Variants in LRRC20 observed in about 807,000 individuals in gnomAD.
LRRC20 encodes leucine rich repeat containing 20, also known as leucine-rich repeat-containing protein 20.
LRRC20 carries 11 observed loss-of-function variants against 14.4 expected under a neutral mutation model. The observed-to-expected ratio is 0.77, with a 90% CI of 0.48 to 1.27. The LOEUF (loss-of-function observed/expected upper bound fraction) is 1.27, where lower values mean the gene tolerates loss of function less well. Among genes scored for constraint, LRRC20 ranks in the 50% most tolerant of loss-of-function variants. The pLI is 0.00. For missense variants in LRRC20, 219 were observed against 251.2 expected (o/e 0.87, Z 0.87); for synonymous variants, 121 against 107.3 (o/e 1.13, Z -0.79).
chr10:70,316,685 C>T (rs1841874096), intron 4 of LRRC20, among the ~76,000 whole-genome samples: 1 of 152,254 alleles, frequency 6.6e-6, no homozygotes, highest in Non-Finnish European at 1.5e-5. Flanking sequence ...GGGGCCATGC[C>T]TAATTTGCAT....
In LRRC20 at chr10:70,300,622, A is replaced by C; in HGVS notation, c.*732T>G. The C allele has an allele frequency of 1.0e-6, 1 of 985,566 alleles. No homozygotes were observed. Among genetic ancestry groups the C allele is most frequent in the Non-Finnish European group, 1.2e-6 (1 of 830,056 alleles). The allele number at this position is 985,566 out of a possible 1,614,324, so 61.1% of individuals were successfully genotyped here. ...AGGAGTGATGCTAGAGGGACGGAGC[A>C]CTCAGGACTTCCCACCCCGCCAATT... On this transcript the variant is annotated 3_prime_UTR_variant, in exon 5 of 5. Transcript: ENST00000446961.
At chr10:70,347,479 C>T (rs1843116720) in intron 2 of LRRC20, among the ~76,000 whole-genome samples, 3 of 152,168 alleles carry the variant, frequency 2.0e-5, no homozygotes, top group African/African-American at 7.2e-5. Flanking sequence ...GCCATCTACA[C>T]ACCATCCCAA....
At chr10:70,337,629 C>T (rs1307157054) in intron 3 of LRRC20, among the ~76,000 whole-genome samples, 1 of 152,196 alleles carries the variant, frequency 6.6e-6, no homozygotes, top group Admixed American at 6.5e-5. Flanking sequence ...AGGCTCTCCC[C>T]AGATGTCAAG....
chr10:70,329,671 C>A (rs1842462386), intron 3 of LRRC20, among the ~76,000 whole-genome samples: 2 of 151,338 alleles, frequency 1.3e-5, no homozygotes, highest in Admixed American at 6.6e-5. Flanking sequence ...AAGCGATTCT[C>A]CTGTCTCAGC....
chr10:70,331,410 C>T (rs1842531883), intron 3 of LRRC20, among the ~76,000 whole-genome samples: 1 of 152,362 alleles, frequency 6.6e-6, no homozygotes, highest in East Asian at 1.9e-4. Flanking sequence ...GGCCCCAAAC[C>T]AGGCATTTAA....
chr10:70,371,393 G>A (rs1844262107), intron 2 of LRRC20, among the ~76,000 whole-genome samples: 1 of 152,092 alleles, frequency 6.6e-6, no homozygotes. Flanking sequence ...TGTACTAGGT[G>A]CCTGGGGGCT....
intron 3 of LRRC20, among the ~76,000 whole-genome samples, chr10:70,335,582 G>A (rs1842703141): frequency 6.6e-6 from 1 of 152,192 alleles, no homozygotes; most frequent in South Asian, 2.1e-4. Context: ...CCTGTTCCGT[G>A]CCTTCCTGGC....
intron 4 of LRRC20, among the ~76,000 whole-genome samples, chr10:70,303,847 A>G (rs1841304514): frequency 6.6e-6 from 1 of 152,164 alleles, no homozygotes; most frequent in Non-Finnish European, 1.5e-5. Context: ...CTCAAACAGA[A>G]TTAAATTGGG....
At chr10:70,351,651 G>A (rs568931785) in intron 2 of LRRC20, among the ~76,000 whole-genome samples, 100 of 152,194 alleles carry the variant, frequency 6.6e-4, no homozygotes, top group African/African-American at 2.1e-3. Context: ...CAAGTTTTAC[G>A]GGAAAACTCC....
intron 2 of LRRC20, among the ~76,000 whole-genome samples, chr10:70,353,597 TA>T (rs796207075): frequency 3.3e-5 from 5 of 152,220 alleles, no homozygotes; most frequent in African/African-American, 1.2e-4. Context: ...TTTGTATTTT[TA>T]GTAGAGAAGG....
chr10:70,310,723 G>A (rs553146242), intron 4 of LRRC20, among the ~76,000 whole-genome samples: 7 of 152,272 alleles, frequency 4.6e-5, no homozygotes, highest in South Asian at 2.1e-4. Context: ...CAGCAGAATC[G>A]CCATCAATGC....
chr10:70,351,129 C>T (rs554616226), intron 2 of LRRC20, among the ~76,000 whole-genome samples: 1 of 151,660 alleles, frequency 6.6e-6, no homozygotes, highest in East Asian at 1.9e-4. Flanking sequence ...TGCAGTGAGC[C>T]GAGATCGTGC....
chr10:70,313,969 TCA>T (rs1171804440), intron 4 of LRRC20, among the ~76,000 whole-genome samples: 2 of 152,056 alleles, frequency 1.3e-5, no homozygotes, highest in African/African-American at 4.8e-5. Context: ...TTTAATGGAC[TCA>T]CAATCATGGC....
intron 2 of LRRC20, among the ~76,000 whole-genome samples, chr10:70,356,826 G>C (rs1014102312): frequency 6.6e-6 from 1 of 152,036 alleles, no homozygotes; most frequent in African/African-American, 2.4e-5. Flanking sequence ...ACTCCAGCCT[G>C]GGCAACAGAA....
chr10:70,344,582 A>G (rs1394289207), intron 2 of LRRC20, among the ~76,000 whole-genome samples: 1 of 152,166 alleles, frequency 6.6e-6, no homozygotes, highest in Non-Finnish European at 1.5e-5. Flanking sequence ...TGTTTTGTTT[A>G]TTGAGACAGG....
rs963392698 is a variant in LRRC20 at position 70,300,669 on chromosome 10, G to A, written c.*685C>T. 157 of 985,648 alleles carry A rather than the reference G, an allele frequency of 1.6e-4. No homozygotes were observed. The highest frequency in any genetic ancestry group is 4.3e-4 in the Admixed American group (7 of 16,284). The allele number at this position is 985,648 out of a possible 1,614,324, so 61.1% of individuals were successfully genotyped here. A position where few individuals can be genotyped will look rare whatever the true frequency, so the allele number is the denominator to read the frequency against. ...AATTTGTTAACTGTGGGGAATGACA[G>A]AGCTGACGTGACTTGCTCCCCATTC... On this transcript the variant is annotated 3_prime_UTR_variant, in exon 5 of 5. Transcript: ENST00000446961.
At chr10:70,343,350 G>A (rs1842979151) in intron 2 of LRRC20, among the ~76,000 whole-genome samples, 1 of 152,164 alleles carries the variant, frequency 6.6e-6, no homozygotes, top group South Asian at 2.1e-4. Context: ...TTTTGGGGGG[G>A]AAAAGGGACA....
At chr10:70,343,783 G>A (rs1323906828) in intron 2 of LRRC20, among the ~76,000 whole-genome samples, 2 of 152,224 alleles carry the variant, frequency 1.3e-5, no homozygotes, top group Non-Finnish European at 2.9e-5. Context: ...TTGGGTAGGA[G>A]TAGGCAGATC....
intron 2 of LRRC20, among the ~76,000 whole-genome samples, chr10:70,349,417 A>C (rs1404704394): frequency 2.6e-5 from 4 of 152,104 alleles, no homozygotes; most frequent in Non-Finnish European, 4.4e-5. Flanking sequence ...GTCTCTAATA[A>C]AAATACAAAA....
Sources: gnomAD v4.1 joint callset for allele counts (sites outside exome capture counted in the v4.1 genomes callset) on GRCh38, gnomAD v4.1.1 for gene constraint, MANE v1.5 for transcripts, NCBI Gene and HGNC (gene_info 2026-07-23, HGNC 2026-07-21) for gene names.